SLC11A2: variants seen among roughly 807,000 people sequenced by gnomAD.
The protein encoded by SLC11A2 is natural resistance-associated macrophage protein 2.
A neutral mutation model predicts 68.0 loss-of-function variants in SLC11A2; 38 were observed. The observed-to-expected ratio is 0.56, with a 90% CI of 0.43 to 0.73. SLC11A2 has a LOEUF of 0.73. SLC11A2 is among the 30% of genes least tolerant of loss of function. The probability of loss-of-function intolerance (pLI) is 0.00; values close to 1 mark genes in which losing one functional copy is unlikely to be tolerated. For synonymous variants in SLC11A2, 242 were observed against 250.6 expected, an observed-to-expected ratio of 0.97 and a Z score of 0.32; for missense variants, 517 against 690.5, an observed-to-expected ratio of 0.75 and a Z score of 2.82.
At chr12:50,984,634 G>A (rs1468614695), downstream of SLC11A2, among the ~76,000 whole-genome samples, 1 of 152,182 alleles carries the variant, frequency 6.6e-6, no homozygotes, top group African/African-American at 2.4e-5. Flanking sequence ...CGGGGGCAGA[G>A]AGCTAATGCA....
chr12:51,012,452 CAAT>C (rs1943311017), intron 1 of SLC11A2, among the ~76,000 whole-genome samples: 1 of 152,114 alleles, frequency 6.6e-6, no homozygotes. Flanking sequence ...CTTTGAATCC[CAAT>C]AATAACTGTC....
downstream of SLC11A2, chr12:50,979,350 ACTGGAAAAGAG>A (rs1939901491): frequency 6.3e-6 from 1 of 158,632 alleles, no homozygotes; most frequent in Non-Finnish European, 1.4e-5. Flanking sequence ...ATAGTTCAGG[ACTGGAAAAGAG>A]CTATAGAAAT....
intron 5 of SLC11A2, among the ~76,000 whole-genome samples, chr12:51,002,727 G>A (rs575500552): frequency 3.8e-4 from 57 of 151,366 alleles, no homozygotes; most frequent in African/African-American, 1.3e-3. Flanking sequence ...AGATCACGAG[G>A]TCAGGAGTTT....
At chr12:50,977,922 T>G (rs1171458263), downstream of SLC11A2, among the ~76,000 whole-genome samples, 2 of 152,032 alleles carry the variant, frequency 1.3e-5, no homozygotes, top group Admixed American at 6.5e-5. Context: ...ATCAGAGAAA[T>G]GCAAATCAAA....
At chr12:51,005,718 C>T (rs1341435760) in intron 3 of SLC11A2, 1 of 1,301,668 alleles carries the variant, frequency 7.7e-7, no homozygotes, top group African/African-American at 1.5e-5. Context: ...TGTGCCCAAA[C>T]ACTTCCCAAA....
At chr12:50,958,022 T>C in the SLC11A2 span, among the ~76,000 whole-genome samples, 1 of 147,978 alleles carries the variant, frequency 6.8e-6, no homozygotes. Flanking sequence ...GCCAGGCTGG[T>C]CCCGAACTTC....
At chr12:51,013,626 G>C (rs1255620199) in intron 1 of SLC11A2, among the ~76,000 whole-genome samples, 1 of 151,852 alleles carries the variant, frequency 6.6e-6, no homozygotes, top group Non-Finnish European at 1.5e-5. Flanking sequence ...TGTGGTGCCA[G>C]CTACTTGGGA....
the SLC11A2 span, among the ~76,000 whole-genome samples, chr12:50,953,515 T>C: frequency 6.6e-6 from 1 of 152,198 alleles, no homozygotes; most frequent in Non-Finnish European, 1.5e-5. Context: ...TGAATGACTT[T>C]ATAATGCCCT....
At chr12:51,010,457 G>C (rs545224434) in intron 2 of SLC11A2, among the ~76,000 whole-genome samples, 1 of 149,770 alleles carries the variant, frequency 6.7e-6, no homozygotes, top group South Asian at 2.1e-4. Flanking sequence ...GGCGGAGGTT[G>C]CAGTGAGCCG....
chr12:50,978,182 C>T (rs886623823), downstream of SLC11A2, among the ~76,000 whole-genome samples: 5 of 147,718 alleles, frequency 3.4e-5, no homozygotes, highest in Admixed American at 3.4e-4. Context: ...GCTATAAAGA[C>T]ACATGCACAC....
Position 50,994,584 on chromosome 12 carries a change from G to C in SLC11A2, c.1037C>G (p.Pro346Arg). 1 of 1,613,268 alleles carries C rather than the reference G, an allele frequency of 6.2e-7. No individual in the cohort carries two copies. The highest frequency in any genetic ancestry group is 8.5e-7 in the Non-Finnish European group (1 of 1,179,174). The change falls in exon 11 of 16, where the codon CCT (proline) becomes CGT (arginine). Residue 346 changes from proline to arginine, a missense_variant. By Grantham distance (103) the Pro-to-Arg change is moderately radical (BLOSUM62 -2). Coordinates refer to ENST00000262052, the MANE Select transcript of SLC11A2 (RefSeq NM_000617.3). ...NTSSPHAGLF[P>R]KDNSTLAVDI... Reference sequence around the variant, plus strand: ...CACAGCCAGTGTCGAGTTATCTTTAGGAAAGAGGCCAGCATGAGGACTGCT... The same window carrying C: ...CACAGCCAGTGTCGAGTTATCTTTACGAAAGAGGCCAGCATGAGGACTGCT...
At chr12:51,026,480 G>T, upstream of SLC11A2, 2 of 649,788 alleles carry the variant, frequency 3.1e-6, no homozygotes, top group Non-Finnish European at 4.7e-6. Context: ...TGCGTGGCCC[G>T]CAGACCAGGG....
At chr12:51,008,897 C>G (rs1398915473) in intron 2 of SLC11A2, among the ~76,000 whole-genome samples, 2 of 151,856 alleles carry the variant, frequency 1.3e-5, no homozygotes, top group Non-Finnish European at 2.9e-5. Context: ...TTCTCTAGAT[C>G]AGTTTTAACT....
the SLC11A2 span, among the ~76,000 whole-genome samples, chr12:50,957,951 T>TGTGTGC: frequency 8.6e-6 from 1 of 115,720 alleles, no homozygotes; most frequent in Non-Finnish European, 1.7e-5. Context: ...TGTGTGTGTG[T>TGTGTGC]GTGTGTGTGT....
Position 50,995,693 on chromosome 12 carries a change from A to G in SLC11A2, c.926T>C (p.Ile309Thr). 2 of 1,614,182 alleles carry G rather than the reference A, an allele frequency of 1.2e-6. No individual in the cohort carries two copies. The highest frequency in any genetic ancestry group is 1.7e-6 in the Non-Finnish European group (2 of 1,180,006). Reference protein sequence around the residue: ...ESCIALFVSFIINVFVVSVFA... With the variant: ...ESCIALFVSFTINVFVVSVFA... ...GACTGAGACAACAAAGACATTGATG[A>G]TGAAGGAAACAAAGAGTGCAATGCA... The change falls in exon 10 of 16, where the codon ATC becomes ACC. Residue 309 changes from isoleucine (I) to threonine (T), a missense_variant. By Grantham distance (89) the Ile-to-Thr change is moderately conservative (BLOSUM62 -1). Coordinates refer to ENST00000262052, the MANE Select transcript of SLC11A2 (RefSeq NM_000617.3).
At chr12:50,991,301 T>A (rs760764985) in intron 14 of SLC11A2, among the ~76,000 whole-genome samples, 1 of 152,240 alleles carries the variant, frequency 6.6e-6, no homozygotes, top group Non-Finnish European at 1.5e-5. Context: ...TACTAACTTA[T>A]GCCTTTTTTG....
chr12:50,963,686 CTG>C, the SLC11A2 span, among the ~76,000 whole-genome samples: 4 of 152,176 alleles, frequency 2.6e-5, no homozygotes, highest in Non-Finnish European at 4.4e-5. Context: ...AGAAGCAAAA[CTG>C]TACCGCAACA....
intron 11 of SLC11A2, among the ~76,000 whole-genome samples, chr12:50,993,430 C>T (rs1054649529): frequency 6.6e-6 from 1 of 152,070 alleles, no homozygotes; most frequent in Non-Finnish European, 1.5e-5. Context: ...GGGTGGCTCA[C>T]GCTTGTAATC....
At chr12:50,958,642 C>T in the SLC11A2 span, among the ~76,000 whole-genome samples, 1 of 152,004 alleles carries the variant, frequency 6.6e-6, no homozygotes, top group South Asian at 2.1e-4. Flanking sequence ...GATATTAAGG[C>T]TTACTATATT....
Sources: gnomAD v4.1 joint callset for allele counts (sites outside exome capture counted in the v4.1 genomes callset) on GRCh38, gnomAD v4.1.1 for gene constraint, MANE v1.5 for transcripts, NCBI Gene and HGNC (gene_info 2026-07-23, HGNC 2026-07-21) for gene names.